PRKAR1B: variants seen among roughly 807,000 people sequenced by gnomAD.
PRKAR1B encodes cAMP-dependent protein kinase type I-beta regulatory subunit.
A neutral mutation model predicts 46.5 loss-of-function variants in PRKAR1B; 22 were observed. The ratio of observed to expected loss-of-function variants is 0.47; its 90% CI spans 0.34 to 0.68. The LOEUF (loss-of-function observed/expected upper bound fraction) is 0.68. Ranked by LOEUF, PRKAR1B falls within the 30% of genes least tolerant of loss-of-function variation. PRKAR1B has a pLI of 0.01. For missense variants in PRKAR1B, 445 were observed against 535.6 expected (o/e 0.83, Z 1.67); for synonymous variants, 259 against 217.7 (o/e 1.19, Z -1.67).
intron 9 of PRKAR1B, among the ~76,000 whole-genome samples, chr7:573,123 G>C (rs568132906): frequency 6.6e-6 from 1 of 152,192 alleles, no homozygotes; most frequent in South Asian, 2.1e-4. Context: ...CGTCGGTTCC[G>C]AGCCTCTGAT....
intron 3 of PRKAR1B, among the ~76,000 whole-genome samples, chr7:677,779 C>G (rs1361098451): frequency 6.6e-6 from 1 of 152,160 alleles, no homozygotes; most frequent in African/African-American, 2.4e-5. Context: ...GGGAAGCGTT[C>G]TGAGAAATTC....
At chr7:698,230 C>T (rs1779874813) in intron 2 of PRKAR1B, among the ~76,000 whole-genome samples, 2 of 151,790 alleles carry the variant, frequency 1.3e-5, no homozygotes, top group African/African-American at 4.8e-5. Flanking sequence ...CATAGGGAGA[C>T]CTCATCTCTA....
At chr7:654,130 CCAT>C (rs1431308188) in intron 4 of PRKAR1B, among the ~76,000 whole-genome samples, 3 of 151,460 alleles carry the variant, frequency 2.0e-5, no homozygotes, top group Non-Finnish European at 4.4e-5. Context: ...ATCACCATCA[CCAT>C]CATCACCATC....
chr7:574,352 C>A (rs1011668981), intron 9 of PRKAR1B, among the ~76,000 whole-genome samples: 7 of 152,264 alleles, frequency 4.6e-5, no homozygotes, highest in Admixed American at 4.6e-4. Context: ...CCAGAAGGGG[C>A]ATCTGCCTCT....
At chr7:620,440 T>C (rs1783051060) in intron 4 of PRKAR1B, among the ~76,000 whole-genome samples, 1 of 152,180 alleles carries the variant, frequency 6.6e-6, no homozygotes, top group South Asian at 2.1e-4. Flanking sequence ...TATTCTCCAG[T>C]TACTCCTCAT....
At chr7:648,218 C>A (rs1784721458) in intron 4 of PRKAR1B, among the ~76,000 whole-genome samples, 1 of 152,066 alleles carries the variant, frequency 6.6e-6, no homozygotes, top group African/African-American at 2.4e-5. Flanking sequence ...TATAATGTTT[C>A]ATTACAAGTT....
intron 4 of PRKAR1B, among the ~76,000 whole-genome samples, chr7:630,950 ATTT>A (rs71652939): frequency 2.2e-5 from 3 of 137,310 alleles, no homozygotes; most frequent in Admixed American, 7.3e-5. Context: ...GCTGATTCGG[ATTT>A]TTTTTTTTTT....
At chr7:647,282 G>C (rs1014228225) in intron 4 of PRKAR1B, among the ~76,000 whole-genome samples, 5 of 152,162 alleles carry the variant, frequency 3.3e-5, no homozygotes, top group South Asian at 4.2e-4. Context: ...GTCTAACCAA[G>C]GGCCATCACC....
rs761658858 is a variant in PRKAR1B at position 711,309 on chromosome 7, G to T, written c.177+20C>A. 14 of 1,613,382 alleles carry T rather than the reference G, an allele frequency of 8.7e-6. No homozygotes were observed. Among genetic ancestry groups the T allele is most frequent in the Middle Eastern group, 1.7e-4 (1 of 5,954 alleles). ...CAGGACACGTGCGAAGGGAAGCAGCGGGCGGCGGGGGCCACTCACCTTCTC... is the reference window on the plus strand; with the variant it reads ...CAGGACACGTGCGAAGGGAAGCAGCTGGCGGCGGGGGCCACTCACCTTCTC... On this transcript the variant is annotated intron_variant, in intron 2 of 10. Coordinates refer to ENST00000537384, the MANE Select transcript of PRKAR1B (RefSeq NM_001164760.2).
At chr7:699,958 A>T (rs1200248509) in intron 2 of PRKAR1B, among the ~76,000 whole-genome samples, 1 of 152,200 alleles carries the variant, frequency 6.6e-6, no homozygotes, top group Non-Finnish European at 1.5e-5. Flanking sequence ...GCAGTCATTC[A>T]GCCGAGGGGA....
chr7:653,943 CCATCACCAT>C (rs1465822061), intron 4 of PRKAR1B, among the ~76,000 whole-genome samples: 2 of 151,290 alleles, frequency 1.3e-5, no homozygotes, highest in South Asian at 2.1e-4. Context: ...ATCTTCATCT[CCATCACCAT>C]CATCACCATC....
At chr7:623,382 C>T (rs138197082) in intron 4 of PRKAR1B, among the ~76,000 whole-genome samples, 6 of 152,354 alleles carry the variant, frequency 3.9e-5, no homozygotes, top group African/African-American at 1.4e-4. Context: ...AGTCAGGTTC[C>T]AGAACCTTCT....
rs1786023860 is a variant in PRKAR1B at position 667,930 on chromosome 7, T to C, written c.440+9299A>G. The stretch of plus-strand genomic sequence containing the variant: ...CCTCCCTCACAACCACGTTGCACTA[T>C]CTTCCTTTAAATCAAAGGTCTTAAA... On this transcript the variant is annotated intron_variant, in intron 4 of 10. Coordinates refer to ENST00000537384, the MANE Select transcript of PRKAR1B (RefSeq NM_001164760.2). The surrounding 1 kb of genome is among the most constrained non-coding windows in gnomAD (Gnocchi z 4.3). Among the ~76,000 whole-genome samples the C allele has an allele frequency of 3.3e-5, 5 of 152,234 alleles. No homozygotes were observed. The highest frequency in any genetic ancestry group is 3.3e-4 in the Admixed American group (5 of 15,284).
At chr7:607,914 C>G (rs2128465601) in intron 4 of PRKAR1B, 1 of 177,178 alleles carries the variant, frequency 5.6e-6, no homozygotes, top group East Asian at 1.8e-4. Context: ...ACAGAAGTGA[C>G]ATGTGCATTC....
At chr7:612,593 G>T (rs1303270536) in intron 4 of PRKAR1B, among the ~76,000 whole-genome samples, 1 of 152,158 alleles carries the variant, frequency 6.6e-6, no homozygotes, top group Non-Finnish European at 1.5e-5. Flanking sequence ...TGGATGGGTG[G>T]CTATTAGAGG....
At chr7:615,825 C>A (rs937887779) in intron 4 of PRKAR1B, among the ~76,000 whole-genome samples, 466 of 94,214 alleles carry the variant, frequency 4.9e-3, no homozygotes, top group African/African-American at 6.2e-3. Context: ...AAGACTCCAT[C>A]AAAAAAAAAA....
intron 6 of PRKAR1B, among the ~76,000 whole-genome samples, chr7:597,837 C>T: frequency 6.6e-6 from 1 of 152,256 alleles, no homozygotes; most frequent in East Asian, 1.9e-4. Flanking sequence ...TGGACACTCC[C>T]ACTTTGCCTA....
At chr7:695,584 A>G (rs1779686352) in intron 2 of PRKAR1B, among the ~76,000 whole-genome samples, 1 of 152,092 alleles carries the variant, frequency 6.6e-6, no homozygotes, top group Non-Finnish European at 1.5e-5. Flanking sequence ...AGCCCACTGG[A>G]GTCTGCAAGC....
chr7:567,562 T>TCATCAC (rs1289710536), intron 9 of PRKAR1B, among the ~76,000 whole-genome samples: 1 of 126,826 alleles, frequency 7.9e-6, no homozygotes, highest in African/African-American at 2.6e-5. Flanking sequence ...ACCATCACCT[T>TCATCAC]CATCACCATC....
Sources: allele counts gnomAD v4.1 joint callset (sites outside exome capture counted in the v4.1 genomes callset), GRCh38; gene constraint gnomAD v4.1.1; non-coding constraint Gnocchi (gnomAD v3.1); transcripts MANE v1.5; gene names NCBI Gene and HGNC (gene_info 2026-07-23, HGNC 2026-07-21).